BMPR1B: variants seen among roughly 807,000 people sequenced by gnomAD.
BMPR1B encodes bone morphogenetic protein receptor type 1B.
Under a neutral mutation model 59.1 loss-of-function variants are expected in BMPR1B, and 12 were observed. That is an observed-to-expected ratio of 0.20 (90% confidence interval 0.13 to 0.33). The LOEUF (loss-of-function observed/expected upper bound fraction) is 0.33, where lower values mean the gene tolerates loss of function less well. BMPR1B is among the 10% of genes least tolerant of loss of function. The pLI, the probability that BMPR1B is intolerant of heterozygous loss-of-function variation, is 1.00. For missense variants in BMPR1B, 550 were observed against 610.9 expected (o/e 0.90, Z 1.05); for synonymous variants, 237 against 207.3 (o/e 1.14, Z -1.23).
intron 2 of BMPR1B, among the ~76,000 whole-genome samples, chr4:94,930,814 A>G (rs1290437535): frequency 6.6e-6 from 1 of 152,180 alleles, no homozygotes; most frequent in African/African-American, 2.4e-5. Context: ...GAAATATGCA[A>G]AAATTTTCAA....
chr4:95,131,471 T>C lies in BMPR1B; in HGVS notation c.1035T>C (p.Thr345=). The change falls in exon 10 of 13, where the codon ACT becomes ACC. Residue 345 remains threonine, a synonymous_variant. Coordinates refer to ENST00000515059, the MANE Select transcript of BMPR1B (RefSeq NM_001203.3). ...SKNILVKKNG[T]CCIADLGLAV... ...ACATTCTGGTGAAGAAAAATGGAAC[T>C]TGCTGTATTGCTGACCTGGGCCTGG... is the stretch of plus-strand genomic sequence containing the variant. The C allele has an allele frequency of 6.2e-7, 1 of 1,614,114 alleles. No homozygotes were observed. Among genetic ancestry groups the C allele is most frequent in the Non-Finnish European group, 8.5e-7 (1 of 1,180,002 alleles).
chr4:95,075,412 T>G (rs902491762), intron 3 of BMPR1B, among the ~76,000 whole-genome samples: 10 of 152,198 alleles, frequency 6.6e-5, no homozygotes, highest in Non-Finnish European at 1.2e-4. Flanking sequence ...GGTACTTTAT[T>G]TTCACATGTT....
chr4:95,070,236 A>T (rs889869464), intron 3 of BMPR1B, among the ~76,000 whole-genome samples: 1 of 152,202 alleles, frequency 6.6e-6, no homozygotes, highest in Admixed American at 6.5e-5. Context: ...GTAAGAAATG[A>T]TGAGGGCCTC....
At chr4:95,144,649 A>C (rs1734511117) in intron 10 of BMPR1B, among the ~76,000 whole-genome samples, 1 of 152,166 alleles carries the variant, frequency 6.6e-6, no homozygotes, top group Non-Finnish European at 1.5e-5. Flanking sequence ...AACAGGGACA[A>C]AAGCCATGTT....
intron 3 of BMPR1B, among the ~76,000 whole-genome samples, chr4:95,091,098 G>T (rs1336106840): frequency 1.3e-5 from 2 of 151,920 alleles, no homozygotes; most frequent in Non-Finnish European, 2.9e-5. Context: ...AATGTCAAAG[G>T]ATATTATAAA....
At chr4:95,004,442 T>C (rs1722679344) in intron 3 of BMPR1B, among the ~76,000 whole-genome samples, 1 of 152,220 alleles carries the variant, frequency 6.6e-6, no homozygotes, top group African/African-American at 2.4e-5. Flanking sequence ...ATTTGTAATA[T>C]TATGCATCAG....
At chr4:94,765,127 A>G (rs113213557) in intron 1 of BMPR1B, among the ~76,000 whole-genome samples, 77 of 152,292 alleles carry the variant, frequency 5.1e-4, no homozygotes, top group Non-Finnish European at 8.5e-4. Context: ...TTTCCCAATG[A>G]TGACACAAAC....
intron 1 of BMPR1B, among the ~76,000 whole-genome samples, chr4:94,797,229 T>C (rs1164241924): frequency 1.3e-5 from 2 of 152,208 alleles, no homozygotes; most frequent in Non-Finnish European, 2.9e-5. Flanking sequence ...CTGGCCCCCA[T>C]GATTCAATTA....
intron 2 of BMPR1B, among the ~76,000 whole-genome samples, chr4:94,932,337 T>C (rs983784652): frequency 6.6e-6 from 1 of 152,158 alleles, no homozygotes; most frequent in South Asian, 2.1e-4. Flanking sequence ...TATCTGTAAG[T>C]GATAGGCTGG....
intron 2 of BMPR1B, among the ~76,000 whole-genome samples, chr4:94,960,032 A>G (rs563747168): frequency 6.6e-6 from 1 of 152,258 alleles, no homozygotes; most frequent in East Asian, 1.9e-4. Flanking sequence ...CACATATTGA[A>G]TTACTGCATG....
intron 2 of BMPR1B, among the ~76,000 whole-genome samples, chr4:94,891,003 G>A (rs75182242): frequency 0.019 from 2,833 of 152,128 alleles, 49 homozygotes; most frequent in East Asian, 0.082. Flanking sequence ...ATTTTAAAAT[G>A]TAGTTGGAAA....
At chr4:95,109,305 C>T (rs563097909) in intron 4 of BMPR1B, among the ~76,000 whole-genome samples, 6 of 152,214 alleles carry the variant, frequency 3.9e-5, no homozygotes, top group African/African-American at 1.2e-4. Context: ...GTGCAAATGA[C>T]ACCAGGCTGC....
chr4:95,100,414 A>G (rs1458834075), intron 3 of BMPR1B, among the ~76,000 whole-genome samples: 2 of 152,136 alleles, frequency 1.3e-5, no homozygotes, highest in Non-Finnish European at 2.9e-5. Context: ...TTTTCTCAAC[A>G]AAGTTCAATG....
chr4:95,126,155 T>A (rs539209904), intron 8 of BMPR1B, among the ~76,000 whole-genome samples: 7 of 152,316 alleles, frequency 4.6e-5, no homozygotes, highest in African/African-American at 1.7e-4. Context: ...AATGGCCATT[T>A]AAAATAATGT....
In BMPR1B at chr4:95,130,023, G is replaced by C. The variant is rs887578785; in HGVS notation, c.747G>C (p.Gln249His). ...GGTTCAGAGAGACAGAAATATATCA[G>C]ACAGTGTTGATGAGGCATGAAAACA... The part of the protein sequence containing the change: ...ASWFRETEIY[Q>H]TVLMRHENIL... Residue 249 changes from glutamine to histidine, a missense_variant, in exon 9 of 13, where the codon CAG (glutamine) becomes CAC (histidine). Gln to His is a conservative substitution (Grantham distance 24). This residue lies in a region of BMPR1B where 318 missense variants were observed against 284.6 expected (regional missense o/e 1.12). Coordinates refer to ENST00000515059, the MANE Select transcript of BMPR1B (RefSeq NM_001203.3). 3 of 1,613,814 alleles carry C rather than the reference G, an allele frequency of 1.9e-6. No individual in the cohort carries two copies. The highest frequency in any genetic ancestry group is 2.5e-6 in the Non-Finnish European group (3 of 1,179,882).
At chr4:95,064,187 A>G (rs1473586132) in intron 3 of BMPR1B, among the ~76,000 whole-genome samples, 2 of 152,200 alleles carry the variant, frequency 1.3e-5, no homozygotes, top group Non-Finnish European at 2.9e-5. Flanking sequence ...ATAATGAAAC[A>G]GTCTTTGTCA....
At chr4:94,938,458 G>T (rs1156577846) in intron 2 of BMPR1B, among the ~76,000 whole-genome samples, 2 of 151,808 alleles carry the variant, frequency 1.3e-5, no homozygotes, top group African/African-American at 4.8e-5. Context: ...TTGTACCACT[G>T]CACTCCCCAC....
At chr4:95,143,991 A>T (rs1405061568) in intron 10 of BMPR1B, among the ~76,000 whole-genome samples, 2 of 150,082 alleles carry the variant, frequency 1.3e-5, no homozygotes, top group African/African-American at 2.5e-5. Flanking sequence ...CCACCTGGAC[A>T]TTTCTCCCAA....
At chr4:94,925,977 C>CTTCCTCCCTCCCCT (rs1728869687) in intron 2 of BMPR1B, among the ~76,000 whole-genome samples, 1 of 151,162 alleles carries the variant, frequency 6.6e-6, no homozygotes, top group Non-Finnish European at 1.5e-5. Context: ...CCCCTCCTCC[C>CTTCCTCCCTCCCCT]TTCCTCCCTC....
Sources: allele counts gnomAD v4.1 joint callset (sites outside exome capture counted in the v4.1 genomes callset), GRCh38; gene constraint gnomAD v4.1.1; regional missense constraint gnomAD v4.1.1; transcripts MANE v1.5; gene names NCBI Gene and HGNC (gene_info 2026-07-23, HGNC 2026-07-21).